Variants in RNF217 observed in about 807,000 individuals in gnomAD.
RNF217 encodes the protein E3 ubiquitin-protein ligase RNF217.
RNF217 carries 31 observed loss-of-function variants against 57.8 expected under a neutral mutation model. The observed-to-expected ratio is 0.54, with a 90% CI of 0.40 to 0.72. The LOEUF (loss-of-function observed/expected upper bound fraction) is 0.72, where lower values mean the gene tolerates loss of function less well. Among genes scored for constraint, RNF217 ranks in the 30% least tolerant of loss-of-function variants. RNF217 has a pLI of 0.00. For missense variants in RNF217, 696 were observed against 708.3 expected, an observed-to-expected ratio of 0.98 and a Z score of 0.20; for synonymous variants, 313 against 294.0, an observed-to-expected ratio of 1.06 and a Z score of -0.66.
At chr6:124,997,272 G>A (rs916062140) in intron 1 of RNF217, among the ~76,000 whole-genome samples, 6 of 152,060 alleles carry the variant, frequency 3.9e-5, no homozygotes, top group South Asian at 2.1e-4. Context: ...TTCACTACTC[G>A]CATGTTCCCC....
rs1042779152 is a variant in RNF217, at chr6:124,968,348, T to C, written c.882+4922T>C. Among the ~76,000 whole-genome samples the C allele has an allele frequency of 1.2e-4, 18 of 152,232 alleles. No homozygotes were observed. In the East Asian group the frequency reaches 2.5e-3, roughly 21 times the overall value. On this transcript the variant is annotated intron_variant, in intron 1 of 5. Transcript: ENST00000521654. ...TGCAAAATGTATGTGTGTGTGTGTG[T>C]GCGTGCGTGTGTGTCTGGGGGTGCA...
chr6:125,020,770 T>C (rs1184786395), intron 1 of RNF217, among the ~76,000 whole-genome samples: 1 of 152,156 alleles, frequency 6.6e-6, no homozygotes, highest in East Asian at 1.9e-4. Context: ...AACACATGCC[T>C]AGAACATTCA....
At chr6:125,069,432 C>T (rs1263090741) in intron 3 of RNF217, among the ~76,000 whole-genome samples, 1 of 152,070 alleles carries the variant, frequency 6.6e-6, no homozygotes, top group African/African-American at 2.4e-5. Context: ...GTTGAGGATT[C>T]ATTTTACTTA....
chr6:125,039,517 C>T (rs971734384), intron 1 of RNF217, among the ~76,000 whole-genome samples: 2 of 152,056 alleles, frequency 1.3e-5, no homozygotes, highest in Non-Finnish European at 2.9e-5. Context: ...TTTAACACCA[C>T]ATTTTCAATA....
chr6:125,082,720 T>C lies in RNF217; in HGVS notation c.1556-144T>C, dbSNP rs524695. 6.3e-3 allele frequency: 7,806 copies of C among 1,239,172 alleles called. 339 individuals are homozygous for C. The African/African-American group carries it at 0.1, about 16-fold the overall frequency. 76.8% of individuals were successfully genotyped at this position (1,239,172 alleles called of 1,614,324 possible). On this transcript the variant is annotated intron_variant, in intron 5 of 5. Coordinates refer to ENST00000521654, the MANE Select transcript of RNF217 (RefSeq NM_001286398.3). The stretch of plus-strand genomic sequence containing the variant: ...AAGGGAAATATTAAAGAATGAAATA[T>C]TGAAGAAGTAAATACATTTCATAGC...
chr6:125,082,583 A>G (rs1392327117), intron 5 of RNF217: 1 of 1,605,458 alleles, frequency 6.2e-7, no homozygotes, highest in Non-Finnish European at 8.5e-7. Context: ...ATAGTGTGCA[A>G]ATGATATGAC....
chr6:125,041,153 C>T (rs1304713726), intron 1 of RNF217, among the ~76,000 whole-genome samples: 1 of 152,008 alleles, frequency 6.6e-6, no homozygotes, highest in Admixed American at 6.6e-5. Context: ...TTGATCTGTA[C>T]ATATATATTA....
chr6:125,029,172 T>C (rs1453140830), intron 1 of RNF217, among the ~76,000 whole-genome samples: 1 of 152,202 alleles, frequency 6.6e-6, no homozygotes, highest in Non-Finnish European at 1.5e-5. Flanking sequence ...TCTTTCAGCA[T>C]GGAAGTCTTT....
intron 3 of RNF217, among the ~76,000 whole-genome samples, chr6:125,065,875 A>G (rs557728642): frequency 1.1e-4 from 17 of 152,178 alleles, no homozygotes; most frequent in Non-Finnish European, 2.2e-4. Context: ...GAAAAGCTAT[A>G]TATCCAAATA....
At chr6:124,988,230 A>C (rs1028562448) in intron 1 of RNF217, among the ~76,000 whole-genome samples, 1 of 152,148 alleles carries the variant, frequency 6.6e-6, no homozygotes, top group East Asian at 1.9e-4. Context: ...ACCCCCATCC[A>C]TGGAAGAGTT....
chr6:125,029,393 A>G (rs1934180690), intron 1 of RNF217, among the ~76,000 whole-genome samples: 11 of 152,236 alleles, frequency 7.2e-5, no homozygotes, highest in Admixed American at 7.2e-4. Context: ...TACACTAAAC[A>G]GCATTTTATA....
At chr6:124,984,992 A>G (rs137872706) in intron 1 of RNF217, among the ~76,000 whole-genome samples, 157 of 152,354 alleles carry the variant, frequency 1.0e-3, no homozygotes, top group African/African-American at 3.7e-3. Context: ...AAAGCACCCA[A>G]TAGAAAAGAA....
At chr6:125,042,300 A>G (rs545920355) in intron 1 of RNF217, among the ~76,000 whole-genome samples, 59 of 152,230 alleles carry the variant, frequency 3.9e-4, no homozygotes, top group African/African-American at 1.3e-3. Context: ...TGAGTGGGCC[A>G]TGAAACTGGA....
intron 1 of RNF217, among the ~76,000 whole-genome samples, chr6:125,027,340 A>C (rs1278120313): frequency 6.6e-6 from 1 of 151,818 alleles, no homozygotes; most frequent in Admixed American, 6.6e-5. Context: ...CCATCCTTCT[A>C]CTCTCTATGT....
intron 1 of RNF217, among the ~76,000 whole-genome samples, chr6:124,973,735 A>G (rs539878130): frequency 1.8e-4 from 28 of 152,262 alleles, no homozygotes; most frequent in African/African-American, 6.0e-4. Flanking sequence ...CATCCCATCT[A>G]TCACTGAGGT....
At chr6:124,997,026 G>T (rs12207846) in intron 1 of RNF217, among the ~76,000 whole-genome samples, 37,162 of 144,360 alleles carry the variant, frequency 0.26, 4,889 homozygotes, top group East Asian at 0.4. Context: ...TGCAAGTTTA[G>T]GTTCTACAAA....
intron 1 of RNF217, among the ~76,000 whole-genome samples, chr6:125,041,113 G>A (rs982648202): frequency 2.6e-5 from 4 of 151,930 alleles, no homozygotes; most frequent in African/African-American, 9.7e-5. Flanking sequence ...GTGAAGCAAT[G>A]CATTTATTAA....
At chr6:125,043,016 A>G (rs960847861) in intron 1 of RNF217, among the ~76,000 whole-genome samples, 1 of 151,980 alleles carries the variant, frequency 6.6e-6, no homozygotes, top group Non-Finnish European at 1.5e-5. Context: ...TGAAAACTGC[A>G]GTTTTCTATT....
At chr6:125,082,281 A>G (rs1239323461) in intron 5 of RNF217, among the ~76,000 whole-genome samples, 1 of 152,102 alleles carries the variant, frequency 6.6e-6, no homozygotes, top group African/African-American at 2.4e-5. Context: ...ATTGTTCCAT[A>G]TATTAGATGG....
Sources: gnomAD v4.1 joint callset for allele counts (sites outside exome capture counted in the v4.1 genomes callset) on GRCh38, gnomAD v4.1.1 for gene constraint, MANE v1.5 for transcripts, NCBI Gene and HGNC (gene_info 2026-07-23, HGNC 2026-07-21) for gene names.